The following CCSER1 variants were observed in gnomAD, a reference collection of about 807,000 sequenced individuals.
CCSER1 encodes serine-rich coiled-coil domain-containing protein 1.
In CCSER1, 41 loss-of-function variants were observed where a neutral mutation model predicts 82.0. The ratio of observed to expected loss-of-function variants is 0.50; its 90% CI spans 0.39 to 0.65. The LOEUF is 0.65. Ranked by LOEUF, CCSER1 falls within the 30% of genes least tolerant of loss-of-function variation. The pLI is 0.00. For missense variants in CCSER1, 1,119 were observed against 1,064.2 expected (o/e 1.05, Z -0.72); for synonymous variants, 414 against 383.9 (o/e 1.08, Z -0.92).
At position 91,087,964 on chromosome 4, in the gene CCSER1, T is replaced by C. The variant is rs1723553322; in HGVS notation, c.2217+1970T>C. ...AAAAACTGTTCTTTTCAAGTCTCAA[T>C]GGTAGATGACCTGTAAACAAAGAGT... On this transcript the variant is annotated intron_variant, in intron 10 of 10. Coordinates refer to ENST00000509176, the MANE Select transcript of CCSER1 (RefSeq NM_001145065.2). 1.3e-5 allele frequency among the ~76,000 whole-genome samples: 2 copies of C among 152,158 alleles called. 1 individual carries two copies. The highest frequency in any genetic ancestry group is 4.1e-4 in the South Asian group (2 of 4,826).
chr4:91,447,171 G>C (rs1755615880), intron 10 of CCSER1, among the ~76,000 whole-genome samples: 1 of 152,110 alleles, frequency 6.6e-6, no homozygotes, highest in Non-Finnish European at 1.5e-5. Flanking sequence ...GAGTTACAGA[G>C]TATTAAGAAG....
chr4:91,075,685 A>G (rs1721920812), intron 9 of CCSER1, among the ~76,000 whole-genome samples: 1 of 152,190 alleles, frequency 6.6e-6, no homozygotes, highest in Admixed American at 6.5e-5. Context: ...GAAATGATAT[A>G]AAAGTATAAA....
chr4:90,128,844 T>A (rs192999702), intron 1 of CCSER1, among the ~76,000 whole-genome samples: 2 of 151,962 alleles, frequency 1.3e-5, no homozygotes, highest in African/African-American at 4.8e-5. Flanking sequence ...TCTCTCTCTC[T>A]CCTCTCCCTG....
intron 6 of CCSER1, among the ~76,000 whole-genome samples, chr4:90,646,431 G>A (rs77331738): frequency 6.6e-6 from 1 of 152,092 alleles, no homozygotes; most frequent in African/African-American, 2.4e-5. Context: ...AGTTGGAAGG[G>A]ATCTTAAAAA....
At chr4:90,784,059 A>G (rs1342282363) in intron 7 of CCSER1, among the ~76,000 whole-genome samples, 3 of 152,226 alleles carry the variant, frequency 2.0e-5, no homozygotes. Flanking sequence ...ATTTGTTGTC[A>G]TTACATTTAT....
chr4:91,010,706 A>G lies in CCSER1; in HGVS notation c.2173-75244A>G, dbSNP rs1251657759. ...TCACCTAGTCTGCTGTTGAAGCTCT[A>G]TATTGTATTTTTTCATTTCACTTGT... On this transcript the variant is annotated intron_variant, in intron 9 of 10. Transcript: ENST00000509176. Among the ~76,000 whole-genome samples the G allele has an allele frequency of 3.7e-5, 5 of 134,330 alleles. 1 individual carries two copies. Among genetic ancestry groups the G allele is most frequent in the Non-Finnish European group, 8.7e-5 (5 of 57,800 alleles). The allele number at this position is 134,330 out of a possible 152,430, so 88.1% of individuals were successfully genotyped here.
chr4:90,263,862 A>T (rs961141975), intron 1 of CCSER1, among the ~76,000 whole-genome samples: 1 of 152,152 alleles, frequency 6.6e-6, no homozygotes, highest in Non-Finnish European at 1.5e-5. Context: ...TCTTCTGTGC[A>T]GCAGACTATT....
chr4:90,163,273 A>T lies in CCSER1; in HGVS notation c.-42+35442A>T, dbSNP rs370404595. Among the ~76,000 whole-genome samples, 16 of 152,220 alleles carry T rather than the reference A, an allele frequency of 1.1e-4. No individual in the cohort carries two copies. In the East Asian group the frequency reaches 3.1e-3, roughly 29 times the overall value. On this transcript the variant is annotated intron_variant, in intron 1 of 10. Transcript: ENST00000509176. ...TTTAATGTAATAAGTGGGGATAATAAATGTTTCGTAATACCTATATTGGCA... is the reference window on the plus strand; with the variant it reads ...TTTAATGTAATAAGTGGGGATAATATATGTTTCGTAATACCTATATTGGCA...
At chr4:91,391,786 C>T (rs1436735556) in intron 10 of CCSER1, among the ~76,000 whole-genome samples, 1 of 152,006 alleles carries the variant, frequency 6.6e-6, no homozygotes, top group Non-Finnish European at 1.5e-5. Context: ...AGAAAATGTT[C>T]TATGTGAGGC....
At chr4:90,251,647 A>C (rs1392759513) in intron 1 of CCSER1, among the ~76,000 whole-genome samples, 1 of 151,700 alleles carries the variant, frequency 6.6e-6, no homozygotes. Flanking sequence ...GATTTTATAT[A>C]TAAAATAATA....
intron 1 of CCSER1, among the ~76,000 whole-genome samples, chr4:90,208,489 G>A (rs982125846): frequency 6.6e-6 from 1 of 151,610 alleles, no homozygotes; most frequent in Middle Eastern, 3.2e-3. Flanking sequence ...CCTGGCTTCA[G>A]CCCCTCTTTC....
intron 10 of CCSER1, among the ~76,000 whole-genome samples, chr4:91,212,623 A>G (rs962411436): frequency 7.9e-5 from 12 of 152,174 alleles, no homozygotes; most frequent in Non-Finnish European, 1.5e-4. Context: ...CTAATATTTA[A>G]TTTTGGAGAA....
intron 4 of CCSER1, among the ~76,000 whole-genome samples, chr4:90,411,075 A>G (rs1009816978): frequency 6.6e-6 from 1 of 152,230 alleles, no homozygotes; most frequent in Non-Finnish European, 1.5e-5. Context: ...CTAAACCAGG[A>G]AGAAGTTGAA....
intron 1 of CCSER1, among the ~76,000 whole-genome samples, chr4:90,157,262 T>C (rs1728415708): frequency 6.6e-6 from 1 of 152,230 alleles, no homozygotes; most frequent in Admixed American, 6.5e-5. Flanking sequence ...CTGATGGGCT[T>C]CCCTTTGTGA....
intron 1 of CCSER1, among the ~76,000 whole-genome samples, chr4:90,128,037 G>A (rs1400913554): frequency 3.3e-5 from 5 of 151,944 alleles, no homozygotes; most frequent in Admixed American, 2.6e-4. Flanking sequence ...AGGCGGGCGG[G>A]CTCGCTCACC....
chr4:90,324,553 G>A (rs1340130899), intron 3 of CCSER1, among the ~76,000 whole-genome samples: 1 of 150,646 alleles, frequency 6.6e-6, no homozygotes, highest in Non-Finnish European at 1.5e-5. Flanking sequence ...TGAGTTCATT[G>A]TAGATTCTGG....
intron 5 of CCSER1, among the ~76,000 whole-genome samples, chr4:90,570,292 G>GT (rs1335681636): frequency 1.3e-5 from 2 of 152,158 alleles, no homozygotes; most frequent in African/African-American, 4.8e-5. Context: ...AGCCTAGTTG[G>GT]TCAGGCCTGC....
chr4:90,427,824 A>G (rs527614211), intron 4 of CCSER1, among the ~76,000 whole-genome samples: 151 of 151,992 alleles, frequency 9.9e-4, no homozygotes, highest in African/African-American at 3.5e-3. Flanking sequence ...TTATTCTAGA[A>G]TAAAGCAAAA....
chr4:91,127,106 G>A (rs978186610), intron 10 of CCSER1, among the ~76,000 whole-genome samples: 24 of 152,006 alleles, frequency 1.6e-4, no homozygotes, highest in East Asian at 9.7e-4. Flanking sequence ...ATGTATCATC[G>A]CATACAAAGT....
Sources: gnomAD v4.1 joint callset for allele counts (sites outside exome capture counted in the v4.1 genomes callset) on GRCh38, gnomAD v4.1.1 for gene constraint, MANE v1.5 for transcripts, NCBI Gene and HGNC (gene_info 2026-07-23, HGNC 2026-07-21) for gene names.